GREB1: variants seen among roughly 807,000 people sequenced by gnomAD.
GREB1 encodes the protein growth regulating estrogen receptor binding 1.
GREB1 carries 106 observed loss-of-function variants against 200.7 expected under a neutral mutation model. The observed-to-expected ratio is 0.53, with a 90% CI of 0.45 to 0.62. The LOEUF (loss-of-function observed/expected upper bound fraction) is 0.62, where lower values mean the gene tolerates loss of function less well. Ranked by LOEUF, GREB1 falls within the 20% of genes least tolerant of loss-of-function variation. The pLI, the probability that GREB1 is intolerant of heterozygous loss-of-function variation, is 0.00. For missense variants in GREB1, 2,243 were observed against 2,556.8 expected (o/e 0.88, Z 2.65); for synonymous variants, 1,132 against 1,092.4 (o/e 1.04, Z -0.72).
At chr2:11,488,108 C>T (rs1180272706) in intron 1 of GREB1, among the ~76,000 whole-genome samples, 1 of 152,182 alleles carries the variant, frequency 6.6e-6, no homozygotes, top group Non-Finnish European at 1.5e-5. Context: ...TGTGGTGGTT[C>T]TCAAATTCTA....
chr2:11,485,607 T>C (rs1179457751), intron 1 of GREB1, among the ~76,000 whole-genome samples: 1 of 152,212 alleles, frequency 6.6e-6, no homozygotes, highest in African/African-American at 2.4e-5. Context: ...TGTTTCTCAC[T>C]TGTCACTTTC....
chr2:11,531,652 C>A (rs150746054), upstream of GREB1, among the ~76,000 whole-genome samples: 222 of 152,192 alleles, frequency 1.5e-3, 3 homozygotes, highest in East Asian at 0.029. Context: ...CTCACTGCAA[C>A]CTTGGCATCT....
At chr2:11,584,463 G>T (rs1473468284) in intron 7 of GREB1, among the ~76,000 whole-genome samples, 1 of 152,204 alleles carries the variant, frequency 6.6e-6, no homozygotes, top group East Asian at 1.9e-4. Flanking sequence ...TGTGGTGGTG[G>T]ATCAAATACT....
At position 11,618,857 on chromosome 2, in the gene GREB1, CG is replaced by C; in HGVS notation, c.3985del (p.Ala1329ProfsTer96). The C allele has an allele frequency of 6.3e-7, 1 of 1,593,022 alleles. No individual in the cohort carries two copies. The highest frequency in any genetic ancestry group is 8.5e-7 in the Non-Finnish European group (1 of 1,174,300). ...PRPSHMDYGN[R>X]AEGRVDGFHP... is the part of the protein sequence containing the mutation. Reference sequence around the variant, plus strand: ...GCCCAGCCACATGGACTACGGCAACCGGGCCGAGGGCCGCGTGGACGGCTTC... The same window carrying C: ...GCCCAGCCACATGGACTACGGCAACCGGCCGAGGGCCGCGTGGACGGCTTC... On this transcript the variant is annotated frameshift_variant, in exon 22 of 33. Transcript: ENST00000381486. LOFTEE classifies it high-confidence loss of function.
chr2:11,632,315 TTTTCTTTC>T (rs1278509843), intron 27 of GREB1, among the ~76,000 whole-genome samples: 1 of 151,904 alleles, frequency 6.6e-6, no homozygotes, highest in Non-Finnish European at 1.5e-5. Context: ...TTAATCGATA[TTTTCTTTC>T]TTTCTTTCTC....
At chr2:11,571,247 A>G (rs1324716199) in intron 4 of GREB1, among the ~76,000 whole-genome samples, 1 of 152,122 alleles carries the variant, frequency 6.6e-6, no homozygotes, top group Non-Finnish European at 1.5e-5. Flanking sequence ...TGCTAGGTAT[A>G]GTGTGTGCTC....
chr2:11,507,090 G>A (rs1673201685), intron 1 of GREB1, among the ~76,000 whole-genome samples: 2 of 152,140 alleles, frequency 1.3e-5, no homozygotes, highest in Admixed American at 6.5e-5. Flanking sequence ...GATATCACAA[G>A]CATTGGTATT....
intron 2 of GREB1, 82 bp downstream of exon 2, chr2:11,556,853 T>C: frequency 9.6e-7 from 1 of 1,044,020 alleles, no homozygotes; most frequent in Non-Finnish European, 1.3e-6. Context: ...GAAACTCTTT[T>C]CTTTATGTAG....
intron 1 of GREB1, among the ~76,000 whole-genome samples, chr2:11,552,784 G>A (rs1473950266): frequency 5.3e-5 from 8 of 152,084 alleles, no homozygotes; most frequent in Non-Finnish European, 8.8e-5. Context: ...GGCCGAGGCG[G>A]GCGGATCACG....
chr2:11,483,057 G>C (rs1672545699), intron 1 of GREB1, among the ~76,000 whole-genome samples: 1 of 151,704 alleles, frequency 6.6e-6, no homozygotes, highest in Non-Finnish European at 1.5e-5. Context: ...CGGCGGGGAA[G>C]GTGCGCCCCG....
chr2:11,609,211 C>T (rs1388335835), intron 17 of GREB1, among the ~76,000 whole-genome samples: 1 of 151,672 alleles, frequency 6.6e-6, no homozygotes, highest in Non-Finnish European at 1.5e-5. Context: ...TTCCCTACTG[C>T]ACTTTCTTTC....
In GREB1 at chr2:11,538,673, CTTT is replaced by C. The variant is rs1558510862; in HGVS notation, c.-162+4420_-162+4422del. Reference sequence around the variant, plus strand: ...TCTTTCTTTCTTTCTTTCTTTCTTTCTTTCTTTCTTTCTTTCCTTCCTCCCTCC... The same window carrying C: ...TCTTTCTTTCTTTCTTTCTTTCTTTCCTTTCTTTCTTTCCTTCCTCCCTCC... On this transcript the variant is annotated intron_variant, in intron 1 of 32. Coordinates refer to ENST00000381486, the MANE Select transcript of GREB1 (RefSeq NM_014668.4). Among the ~76,000 whole-genome samples the C allele has an allele frequency of 7.8e-3, 356 of 45,852 alleles. 20 individuals carry two copies. Among genetic ancestry groups the C allele is most frequent in the African/African-American group, 0.016 (321 of 19,626 alleles). 30.1% of individuals were successfully genotyped at this position (45,852 alleles called of 152,430 possible). A position where few individuals can be genotyped will look rare whatever the true frequency, so the allele number is the denominator to read the frequency against.
At chr2:11,550,469 A>C (rs1675705801) in intron 1 of GREB1, among the ~76,000 whole-genome samples, 1 of 152,218 alleles carries the variant, frequency 6.6e-6, no homozygotes, top group Non-Finnish European at 1.5e-5. Context: ...TATGTCCAAG[A>C]GTCCAGATTC....
chr2:11,551,648 C>G (rs1382001067), intron 1 of GREB1, among the ~76,000 whole-genome samples: 1 of 152,252 alleles, frequency 6.6e-6, no homozygotes, highest in African/African-American at 2.4e-5. Flanking sequence ...TGCCTTTGCA[C>G]TCTCCTGTCC....
intron 16 of GREB1, 97 bp from the exon 17 acceptor site, chr2:11,602,309 A>C (rs1681849369): frequency 9.5e-7 from 1 of 1,050,890 alleles, no homozygotes; most frequent in Non-Finnish European, 1.5e-6. Context: ...ATTTGGATGA[A>C]GTTGCCAACC....
chr2:11,568,563 G>A (rs984559948), intron 4 of GREB1, among the ~76,000 whole-genome samples: 6 of 152,264 alleles, frequency 3.9e-5, no homozygotes, highest in Non-Finnish European at 7.3e-5. Flanking sequence ...TACGACAGTC[G>A]CCCAGGATGA....
chr2:11,602,492 G>T lies in GREB1; in HGVS notation c.2616G>T (p.Leu872Phe). 1 of 1,613,660 alleles carries T rather than the reference G, an allele frequency of 6.2e-7. No individual in the cohort carries two copies. Among genetic ancestry groups the T allele is most frequent in the Non-Finnish European group, 8.5e-7 (1 of 1,179,540 alleles). The change falls in exon 17 of 33, where the codon TTG (leucine) becomes TTT (phenylalanine). Residue 872 changes from leucine (L) to phenylalanine (F), a missense_variant. Leu to Phe is a conservative substitution (Grantham distance 22). Transcript: ENST00000381486. ...CCCTTTCAGGACACAGCCTCCCCTT[G>T]CTCAGATACGATAGCTCCTTTGAGG... The part of the protein sequence containing the change: ...ESTLSGHSLP[L>F]LRYDSSFEAM...
At chr2:11,538,910 C>CCTTCCCCCCCCCCTCCCCTCCTGT (rs1491417613) in intron 1 of GREB1, among the ~76,000 whole-genome samples, 4 of 20,304 alleles carry the variant, frequency 2.0e-4, no homozygotes, top group Admixed American at 5.6e-4. Flanking sequence ...TTCCTTCCTT[C>CCTTCCCCCCCCCCTCCCCTCCTGT]CCCCTCCCCT....
At chr2:11,527,575 T>C (rs1673930153) in intron 1 of GREB1, among the ~76,000 whole-genome samples, 1 of 152,220 alleles carries the variant, frequency 6.6e-6, no homozygotes, top group South Asian at 2.1e-4. Flanking sequence ...GTGGATTGGC[T>C]GGACAACCCA....
Sources: gnomAD v4.1 joint callset for allele counts (sites outside exome capture counted in the v4.1 genomes callset) on GRCh38, gnomAD v4.1.1 for gene constraint, MANE v1.5 for transcripts, NCBI Gene and HGNC (gene_info 2026-07-23, HGNC 2026-07-21) for gene names.